The following DCST1 variants were observed in gnomAD, a reference collection of about 807,000 sequenced individuals.
DCST1 encodes the protein E3 ubiquitin-protein ligase DCST1.
A neutral mutation model predicts 89.1 loss-of-function variants in DCST1; 78 were observed. That is an observed-to-expected ratio of 0.88 (90% CI 0.73 to 1.06). The LOEUF (loss-of-function observed/expected upper bound fraction) is 1.06. Ranked by LOEUF, DCST1 falls within the 50% of genes least tolerant of loss-of-function variation. The pLI is 0.00. For synonymous variants in DCST1, 364 were observed against 371.9 expected (o/e 0.98, Z 0.24); for missense variants, 900 against 928.6 (o/e 0.97, Z 0.40).
Position 155,040,546 on chromosome 1 carries a change from G to A in DCST1, c.453G>A (p.Val151=). The A allele has an allele frequency of 6.3e-7, 1 of 1,593,140 alleles. No homozygotes were observed. Among genetic ancestry groups the A allele is most frequent in the Non-Finnish European group, 8.6e-7 (1 of 1,168,898 alleles). ...NNVIASLGCT[V]ELQINNTRAA... ...TGATCGCATCGCTGGGCTGCACCGTGGAGCTGCAGATCAACAACACCCGCG... is the reference window on the plus strand; with the variant it reads ...TGATCGCATCGCTGGGCTGCACCGTAGAGCTGCAGATCAACAACACCCGCG... The change falls in exon 6 of 17, where the codon GTG becomes GTA. Residue 151 remains valine (V), a synonymous_variant. Coordinates refer to ENST00000295542, the MANE Select transcript of DCST1 (RefSeq NM_152494.4).
chr1:155,037,119 G>C (rs970918142), intron 4 of DCST1, among the ~76,000 whole-genome samples: 3 of 152,202 alleles, frequency 2.0e-5, no homozygotes, highest in Admixed American at 6.5e-5. Context: ...GCAGATGCCA[G>C]TCTCCATGCT....
At chr1:155,041,098 G>A (rs573269129) in intron 6 of DCST1, among the ~76,000 whole-genome samples, 4 of 152,288 alleles carry the variant, frequency 2.6e-5, no homozygotes, top group African/African-American at 9.6e-5. Context: ...AAGGTCTAAG[G>A]ACCTGGGGAA....
At chr1:155,041,261 T>C in intron 6 of DCST1, 136 bp from the exon 7 acceptor site, 1 of 835,768 alleles carries the variant, frequency 1.2e-6, no homozygotes. Flanking sequence ...TGAGAGGCTG[T>C]GTCTCAGGGC....
At chr1:155,036,474 C>T (rs1440066309) in intron 4 of DCST1, among the ~76,000 whole-genome samples, 1 of 152,226 alleles carries the variant, frequency 6.6e-6, no homozygotes, top group East Asian at 1.9e-4. Context: ...CATCTTCCCT[C>T]CTTATCTTGC....
chr1:155,034,435 C>T lies in DCST1; in HGVS notation c.62C>T (p.Thr21Met), dbSNP rs779301834. The T allele has an allele frequency of 1.7e-5, 27 of 1,613,992 alleles. No individual in the cohort carries two copies. Among genetic ancestry groups the T allele is most frequent in the East Asian group, 4.5e-5 (2 of 44,876 alleles). ...RGQRRKQPHT[T>M]VQRLLTWGLP... ...TTGAGCTACCCTGTCCCCCTCTTAG[C>T]GGTGCAGAGGCTCCTGACCTGGGGG... Residue 21 changes from threonine to methionine, a missense_variant and splice_region_variant, in exon 3 of 17, where the codon ACG becomes ATG. Thr to Met is a moderately conservative substitution (Grantham distance 81). Transcript: ENST00000295542.
intron 4 of DCST1, among the ~76,000 whole-genome samples, chr1:155,038,604 A>C (rs1217127958): frequency 1.3e-5 from 2 of 152,168 alleles, no homozygotes; most frequent in Non-Finnish European, 2.9e-5. Flanking sequence ...AGCTCCCCCG[A>C]CCAGCTTATA....
chr1:155,050,035 C>G (rs1660842259), intron 16 of DCST1, among the ~76,000 whole-genome samples: 1 of 152,222 alleles, frequency 6.6e-6, no homozygotes, highest in Non-Finnish European at 1.5e-5. Context: ...GCTCTGAAGG[C>G]CAAGCCCAAG....
chr1:155,045,027 AC>A (rs1035014885), intron 10 of DCST1, among the ~76,000 whole-genome samples: 2 of 152,162 alleles, frequency 1.3e-5, no homozygotes, highest in African/African-American at 4.8e-5. Context: ...CACTGAAAGG[AC>A]AGCTGGCGGG....
Position 155,046,497 on chromosome 1 carries a change from C to T in DCST1, c.1495+11C>T. The stretch of plus-strand genomic sequence containing the variant: ...AGTACTCCTTCCGCAGTAAGCCCAT[C>T]CCCCAGACACATTCCAGGCCCAAGA... On this transcript the variant is annotated intron_variant, in intron 13 of 16. Coordinates refer to ENST00000295542, the MANE Select transcript of DCST1 (RefSeq NM_152494.4). 1.2e-6 allele frequency: 2 copies of T among 1,613,556 alleles called. No homozygotes were observed. The highest frequency in any genetic ancestry group is 1.7e-6 in the Non-Finnish European group (2 of 1,179,908).
At position 155,039,423 on chromosome 1, in the gene DCST1, G is replaced by A; in HGVS notation, c.283G>A (p.Gly95Arg). 1 of 1,593,784 alleles carries A rather than the reference G, an allele frequency of 6.3e-7. No individual in the cohort carries two copies. The highest frequency in any genetic ancestry group is 2.0e-4 in the Middle Eastern group (1 of 5,042). Residue 95 changes from glycine to arginine, a missense_variant, in exon 5 of 17, where the codon GGG (glycine) becomes AGG (arginine). By Grantham distance (125) the Gly-to-Arg change is moderately radical. Transcript: ENST00000295542. ...GACAGGCTTGGGGGCCATGGGCTGGGGGACCTCCCCTCACATCCGCTGTGC... is the reference window on the plus strand; with the variant it reads ...GACAGGCTTGGGGGCCATGGGCTGGAGGACCTCCCCTCACATCCGCTGTGC... ...SLVGLGAMGW[G>R]TSPHIRCASL...
rs1660204208 is a variant in DCST1, at chr1:155,034,455, TG to T, written c.87del (p.Leu30CysfsTer33). The part of the protein sequence containing the change: ...PHTTVQRLLT[W>X]GLPVSCSWFL... ...CTTAGCGGTGCAGAGGCTCCTGACCTGGGGGCTGCCAGTCTCCTGTAGCTGG... is the reference window on the plus strand; with the variant it reads ...CTTAGCGGTGCAGAGGCTCCTGACCTGGGGCTGCCAGTCTCCTGTAGCTGG... On this transcript the variant is annotated frameshift_variant, in exon 3 of 17. Transcript: ENST00000295542. LOFTEE classifies it high-confidence loss of function. The T allele has an allele frequency of 1.2e-6, 2 of 1,614,058 alleles. No homozygotes were observed. The highest frequency in any genetic ancestry group is 1.7e-6 in the Non-Finnish European group (2 of 1,180,016).
chr1:155,048,327 T>C (rs994702251), intron 16 of DCST1, among the ~76,000 whole-genome samples, 157 bp downstream of exon 16: 1 of 152,222 alleles, frequency 6.6e-6, no homozygotes, highest in Non-Finnish European at 1.5e-5. Context: ...AATCTCACTG[T>C]GTCGCCCAGG....
At position 155,041,744 on chromosome 1, in the gene DCST1, G is replaced by A. The variant is rs373581735; in HGVS notation, c.779G>A (p.Arg260His). ...YVVNQAILSC[R>H]RWFDRKHEQC... is the part of the protein sequence containing the mutation. ...GTGAACCAGGCCATACTCAGCTGCC[G>A]TCGTTGGTTTGACCGCAAGCATGAA... The change falls in exon 8 of 17, where the codon CGT becomes CAT. Residue 260 changes from arginine (R) to histidine (H), a missense_variant. Transcript: ENST00000295542. 39 of 1,614,102 alleles carry A rather than the reference G, an allele frequency of 2.4e-5. No homozygotes were observed. Among genetic ancestry groups the A allele is most frequent in the African/African-American group, 1.2e-4 (9 of 74,928 alleles).
chr1:155,041,753 T>G lies in DCST1; in HGVS notation c.788T>G (p.Phe263Cys). The stretch of plus-strand genomic sequence containing the variant: ...GCCATACTCAGCTGCCGTCGTTGGT[T>G]TGACCGCAAGCATGAACAGTGCATG... ...NQAILSCRRW[F>C]DRKHEQCMKH... The change falls in exon 8 of 17, where the codon TTT (phenylalanine) becomes TGT (cysteine). Residue 263 changes from phenylalanine (F) to cysteine (C), a missense_variant. Transcript: ENST00000295542. 1 of 1,614,248 alleles carries G rather than the reference T, an allele frequency of 6.2e-7. No individual in the cohort carries two copies. Among genetic ancestry groups the G allele is most frequent in the Non-Finnish European group, 8.5e-7 (1 of 1,180,040 alleles).
intron 8 of DCST1, among the ~76,000 whole-genome samples, chr1:155,042,065 G>C (rs1660455435): frequency 6.6e-6 from 1 of 152,232 alleles, no homozygotes; most frequent in African/African-American, 2.4e-5. Context: ...TCATCTGAAA[G>C]ATGCGCATGG....
At chr1:155,049,367 A>G (rs572733163) in intron 16 of DCST1, 2 of 367,536 alleles carry the variant, frequency 5.4e-6, no homozygotes, top group South Asian at 1.5e-4. Flanking sequence ...CTCACCTGAA[A>G]AAAAGGAGAT....
chr1:155,035,020 G>T, intron 4 of DCST1: 1 of 399,938 alleles, frequency 2.5e-6, no homozygotes. Context: ...TGACCTGTCT[G>T]ACCTCGTTTT....
rs747980384 is a variant in DCST1 at position 155,041,776 on chromosome 1, A to G, written c.811A>G (p.Met271Val). ...RWFDRKHEQCMKHIWVPLLTH... is the reference protein window; with the variant it reads ...RWFDRKHEQCVKHIWVPLLTH... ...GTTTGACCGCAAGCATGAACAGTGC[A>G]TGAAGCACATCTGGGTCCCACTCCT... Residue 271 changes from methionine (M) to valine (V), a missense_variant, in exon 8 of 17, where the codon ATG (methionine) becomes GTG (valine). Physicochemically the swap from Met to Val is conservative, Grantham distance 21. Transcript: ENST00000295542. 14 of 1,614,166 alleles carry G rather than the reference A, an allele frequency of 8.7e-6. No homozygotes were observed. Among genetic ancestry groups the G allele is most frequent in the East Asian group, 2.2e-5 (1 of 44,904 alleles).
chr1:155,037,473 T>C (rs995073974), intron 4 of DCST1, among the ~76,000 whole-genome samples: 1 of 150,418 alleles, frequency 6.6e-6, no homozygotes, highest in Non-Finnish European at 1.5e-5. Context: ...AGACAGAGTC[T>C]TGCTCTGTCC....
Sources: gnomAD v4.1 joint callset for allele counts (sites outside exome capture counted in the v4.1 genomes callset) on GRCh38, gnomAD v4.1.1 for gene constraint, MANE v1.5 for transcripts, NCBI Gene and HGNC (gene_info 2026-07-23, HGNC 2026-07-21) for gene names.